Variants in CNTNAP2 observed in about 807,000 individuals in gnomAD.
The protein encoded by CNTNAP2 is contactin associated protein 2.
In CNTNAP2, 98 loss-of-function variants were observed where a neutral mutation model predicts 155.2. The observed-to-expected ratio is 0.63, with a 90% CI of 0.54 to 0.75. CNTNAP2 has a LOEUF of 0.75. Among genes scored for constraint, CNTNAP2 ranks in the 30% least tolerant of loss-of-function variants. The probability of loss-of-function intolerance (pLI) is 0.00; values close to 1 mark genes in which losing one functional copy is unlikely to be tolerated. For synonymous variants in CNTNAP2, 651 were observed against 631.2 expected (o/e 1.03, Z -0.47); for missense variants, 1,727 against 1,688.1 (o/e 1.02, Z -0.40).
chr7:146,463,734 A>ATG (rs1796673862), intron 1 of CNTNAP2, among the ~76,000 whole-genome samples: 2 of 152,160 alleles, frequency 1.3e-5, no homozygotes, highest in African/African-American at 4.8e-5. Flanking sequence ...GTATATATAT[A>ATG]GAGTAACTTA....
At chr7:147,471,231 C>T (rs1798211364) in intron 10 of CNTNAP2, among the ~76,000 whole-genome samples, 1 of 152,138 alleles carries the variant, frequency 6.6e-6, no homozygotes, top group Non-Finnish European at 1.5e-5. Context: ...ACCTTGCACT[C>T]TTGCATACAA....
intron 1 of CNTNAP2, among the ~76,000 whole-genome samples, chr7:146,126,390 G>A (rs1797638276): frequency 6.6e-6 from 1 of 152,180 alleles, no homozygotes; most frequent in Admixed American, 6.5e-5. Flanking sequence ...TTGAAATAAA[G>A]AGAGGAATGC....
intron 3 of CNTNAP2, among the ~76,000 whole-genome samples, chr7:146,954,620 T>C (rs1368394725): frequency 6.6e-6 from 1 of 151,928 alleles, no homozygotes; most frequent in Non-Finnish European, 1.5e-5. Context: ...TATTCTGTGC[T>C]TTTTCACATT....
intron 13 of CNTNAP2, among the ~76,000 whole-genome samples, chr7:147,732,339 C>T (rs555798180): frequency 1.3e-5 from 2 of 152,258 alleles, no homozygotes; most frequent in South Asian, 2.1e-4. Context: ...TTTGCAGCTT[C>T]ATCCATGTCC....
intron 1 of CNTNAP2, among the ~76,000 whole-genome samples, chr7:146,532,823 G>A (rs750907203): frequency 2.0e-5 from 3 of 151,990 alleles, no homozygotes; most frequent in Non-Finnish European, 4.4e-5. Context: ...GGTGGATCAG[G>A]CCTGTAATCC....
rs536040376 is a variant in CNTNAP2 at position 146,571,011 on chromosome 7, A to C, written c.98-203260A>C. The stretch of plus-strand genomic sequence containing the variant: ...TCTAGTGATGTTTCCAGATGTTTAG[A>C]AAATCATTTTCTTTAATTAAGAGAT... On this transcript the variant is annotated intron_variant, in intron 1 of 23. Transcript: ENST00000361727. Among the ~76,000 whole-genome samples, 3 of 152,286 alleles carry C rather than the reference A, an allele frequency of 2.0e-5. No individual in the cohort carries two copies. The South Asian group carries it at 6.2e-4, about 32-fold the overall frequency.
At chr7:148,076,959 G>C (rs1563191188) in intron 15 of CNTNAP2, among the ~76,000 whole-genome samples, 1 of 152,148 alleles carries the variant, frequency 6.6e-6, no homozygotes, top group Non-Finnish European at 1.5e-5. Context: ...GGATCAGACA[G>C]AGCAATCTGA....
At chr7:146,661,725 TTTCTTTC>T (rs1800092023) in intron 1 of CNTNAP2, among the ~76,000 whole-genome samples, 1 of 73,760 alleles carries the variant, frequency 1.4e-5, no homozygotes, top group African/African-American at 4.4e-5. Flanking sequence ...TCTTTCTTTC[TTTCTTTC>T]TTTTTTTTTT....
intron 8 of CNTNAP2, among the ~76,000 whole-genome samples, chr7:147,225,963 G>T (rs1394169889): frequency 6.6e-6 from 1 of 150,982 alleles, no homozygotes; most frequent in Admixed American, 6.6e-5. Context: ...AAGAGAGAAA[G>T]GAAGAAAGAG....
chr7:148,318,449 C>A (rs1350897774), intron 21 of CNTNAP2, among the ~76,000 whole-genome samples: 1 of 152,118 alleles, frequency 6.6e-6, no homozygotes, highest in Admixed American at 6.5e-5. Context: ...AAGGGAAGAG[C>A]TACTATCTGG....
intron 20 of CNTNAP2, among the ~76,000 whole-genome samples, chr7:148,246,133 G>T (rs950058678): frequency 6.6e-6 from 1 of 152,178 alleles, no homozygotes; most frequent in Non-Finnish European, 1.5e-5. Context: ...ACCTGGAAAA[G>T]AATTTGAAGG....
At chr7:146,120,730 CATGTTTAAGT>C (rs1294047100) in intron 1 of CNTNAP2, among the ~76,000 whole-genome samples, 1 of 151,980 alleles carries the variant, frequency 6.6e-6, no homozygotes, top group Non-Finnish European at 1.5e-5. Context: ...GTATCTTTTC[CATGTTTAAGT>C]ATGATGAGAT....
At chr7:148,062,011 T>TAGATGATAGAGAGAG (rs1803163415) in intron 15 of CNTNAP2, among the ~76,000 whole-genome samples, 10 of 84,206 alleles carry the variant, frequency 1.2e-4, no homozygotes, top group South Asian at 4.2e-4. Context: ...AGATAGATGA[T>TAGATGATAGAGAGAG]AGAGAGAGAG....
intron 10 of CNTNAP2, among the ~76,000 whole-genome samples, chr7:147,475,934 G>A (rs1798311776): frequency 6.6e-6 from 1 of 151,784 alleles, no homozygotes; most frequent in East Asian, 1.9e-4. Flanking sequence ...TTTATTTCTG[G>A]ATTTTTAATT....
chr7:147,591,699 T>A (rs1245541171), intron 12 of CNTNAP2, among the ~76,000 whole-genome samples: 1 of 152,172 alleles, frequency 6.6e-6, no homozygotes, highest in Non-Finnish European at 1.5e-5. Context: ...AATAAAAATG[T>A]GATCTTATTT....
At chr7:147,253,083 C>T (rs1804235967) in intron 8 of CNTNAP2, among the ~76,000 whole-genome samples, 1 of 152,150 alleles carries the variant, frequency 6.6e-6, no homozygotes, top group African/African-American at 2.4e-5. Context: ...CAGAGAGCCT[C>T]AGTGGGAGAG....
rs36113270 is a variant in CNTNAP2 at position 147,095,186 on chromosome 7, A to ATT, written c.551-12941_551-12940dup. 1.5e-3 allele frequency among the ~76,000 whole-genome samples: 177 copies of ATT among 114,492 alleles called. 3 individuals are homozygous for ATT. The highest frequency in any genetic ancestry group is 4.5e-3 in the African/African-American group (140 of 31,212). 75.1% of individuals were successfully genotyped at this position (114,492 alleles called of 152,430 possible). A position where few individuals can be genotyped will look rare whatever the true frequency, so the allele number is the denominator to read the frequency against. On this transcript the variant is annotated intron_variant, in intron 4 of 23. Transcript: ENST00000361727. ...AGGCATGCACCACCACGCCTGGCTAATTTTTTTTTTTTTTTTTTTTTGTAT... is the reference window on the plus strand; with the variant it reads ...AGGCATGCACCACCACGCCTGGCTAATTTTTTTTTTTTTTTTTTTTTTTGTAT...
chr7:147,432,664 A>C (rs905134963), intron 10 of CNTNAP2, among the ~76,000 whole-genome samples: 4 of 151,930 alleles, frequency 2.6e-5, no homozygotes, highest in Admixed American at 2.6e-4. Flanking sequence ...TCATCCTCCT[A>C]ATCTCCCAAC....
intron 1 of CNTNAP2, among the ~76,000 whole-genome samples, chr7:146,195,771 C>T (rs866930426): frequency 6.6e-6 from 1 of 152,208 alleles, no homozygotes; most frequent in African/African-American, 2.4e-5. Context: ...CAGGCACAAC[C>T]TCCTGAAGCC....
Sources: gnomAD v4.1 joint callset for allele counts (sites outside exome capture counted in the v4.1 genomes callset) on GRCh38, gnomAD v4.1.1 for gene constraint, MANE v1.5 for transcripts, NCBI Gene and HGNC (gene_info 2026-07-23, HGNC 2026-07-21) for gene names.